The following NPNT variants were observed in gnomAD, a reference collection of about 807,000 sequenced individuals.
The protein encoded by NPNT is nephronectin.
A neutral mutation model predicts 68.6 loss-of-function variants in NPNT; 45 were observed. The observed-to-expected ratio is 0.66, with a 90% CI of 0.52 to 0.84. The LOEUF is 0.84. Ranked by LOEUF, NPNT falls within the 40% of genes least tolerant of loss-of-function variation. The pLI, the probability that NPNT is intolerant of heterozygous loss-of-function variation, is 0.00. For synonymous variants in NPNT, 233 were observed against 253.3 expected, an observed-to-expected ratio of 0.92 and a Z score of 0.76; for missense variants, 672 against 714.8, an observed-to-expected ratio of 0.94 and a Z score of 0.68.
intron 9 of NPNT, 170 bp from the exon 10 acceptor site, chr4:105,958,858 A>G: frequency 1.7e-5 from 10 of 596,840 alleles, no homozygotes; most frequent in Middle Eastern, 4.4e-4. Flanking sequence ...ATGATGCACT[A>G]TTGTGCTGAG....
intron 3 of NPNT, among the ~76,000 whole-genome samples, chr4:105,928,962 T>A (rs972418885): frequency 2.0e-5 from 3 of 152,188 alleles, no homozygotes; most frequent in African/African-American, 7.2e-5. Flanking sequence ...TTTATTTTTT[T>A]AATTTTACTT....
intron 10 of NPNT, 31 bp from the exon 11 acceptor site, chr4:105,967,157 C>T (rs775948025): frequency 2.5e-6 from 4 of 1,609,130 alleles, no homozygotes; most frequent in East Asian, 2.2e-5. Flanking sequence ...GATATTGGCA[C>T]ATACACACAG....
At chr4:105,937,562 A>G (rs180693005) in intron 4 of NPNT, among the ~76,000 whole-genome samples, 2 of 151,368 alleles carry the variant, frequency 1.3e-5, no homozygotes, top group East Asian at 1.9e-4. Flanking sequence ...CTTCATTTTT[A>G]TATTTCATTA....
At chr4:105,907,893 A>G (rs1727042224) in intron 2 of NPNT, among the ~76,000 whole-genome samples, 1 of 152,184 alleles carries the variant, frequency 6.6e-6, no homozygotes, top group African/African-American at 2.4e-5. Context: ...TAAAATTTCT[A>G]ATAAAGCCAG....
At chr4:105,919,468 G>C (rs2149343378) in intron 2 of NPNT, among the ~76,000 whole-genome samples, 1 of 152,120 alleles carries the variant, frequency 6.6e-6, no homozygotes, top group African/African-American at 2.4e-5. Flanking sequence ...TTCCCTAATT[G>C]TCCCAATAAT....
At chr4:105,925,484 GA>G (rs932711269) in intron 2 of NPNT, among the ~76,000 whole-genome samples, 1 of 150,326 alleles carries the variant, frequency 6.7e-6, no homozygotes, top group African/African-American at 2.4e-5. Flanking sequence ...AGGAAAGGTA[GA>G]AAAAAAAATA....
intron 2 of NPNT, among the ~76,000 whole-genome samples, chr4:105,915,784 A>G (rs1455334646): frequency 6.6e-6 from 1 of 152,216 alleles, no homozygotes; most frequent in East Asian, 1.9e-4. Flanking sequence ...CTTGGATTGC[A>G]GGGTGAGATC....
At chr4:105,954,020 G>A (rs759352348) in intron 8 of NPNT, among the ~76,000 whole-genome samples, 5 of 152,082 alleles carry the variant, frequency 3.3e-5, no homozygotes, top group African/African-American at 7.2e-5. Context: ...ATGTTTTCTG[G>A]GTAAAAATAT....
chr4:105,969,080 T>A lies in NPNT; in HGVS notation c.*90T>A. On this transcript the variant is annotated 3_prime_UTR_variant, in exon 12 of 12. Coordinates refer to ENST00000379987, the MANE Select transcript of NPNT (RefSeq NM_001033047.3). Reference sequence around the variant, plus strand: ...CTCCTCTTCTCCCTTTTATCAGGCCTAGGAGAAGAGTGGGTCAGTGGGTCA... The same window carrying A: ...CTCCTCTTCTCCCTTTTATCAGGCCAAGGAGAAGAGTGGGTCAGTGGGTCA... 3 of 880,066 alleles carry A rather than the reference T, an allele frequency of 3.4e-6. No individual in the cohort carries two copies. Among genetic ancestry groups the A allele is most frequent in the Middle Eastern group, 2.3e-4 (1 of 4,356 alleles). The allele number at this position is 880,066 out of a possible 1,614,324, so 54.5% of individuals were successfully genotyped here. A position where few individuals can be genotyped will look rare whatever the true frequency, so the allele number is the denominator to read the frequency against.
At chr4:105,929,951 T>C (rs1728983943) in intron 3 of NPNT, among the ~76,000 whole-genome samples, 1 of 151,960 alleles carries the variant, frequency 6.6e-6, no homozygotes, top group Non-Finnish European at 1.5e-5. Context: ...TGTATCAAGT[T>C]AAGATCTTGC....
intron 2 of NPNT, among the ~76,000 whole-genome samples, chr4:105,900,786 T>C (rs1287179570): frequency 6.6e-6 from 1 of 151,522 alleles, no homozygotes; most frequent in Non-Finnish European, 1.5e-5. Context: ...GTTCCAGAAA[T>C]AGGCAGGTTG....
chr4:105,959,225 G>GAGA, intron 10 of NPNT, 99 bp downstream of exon 10: 2 of 716,234 alleles, frequency 2.8e-6, no homozygotes, highest in Non-Finnish European at 4.9e-6. Flanking sequence ...ACACATCTCT[G>GAGA]TGTTTACTTG....
chr4:105,907,569 A>G (rs1035995371), intron 2 of NPNT, among the ~76,000 whole-genome samples: 1 of 152,160 alleles, frequency 6.6e-6, no homozygotes, highest in Admixed American at 6.5e-5. Flanking sequence ...CCTCAAAGAT[A>G]GTAAAATGTA....
chr4:105,932,981 T>C (rs1433893873), intron 3 of NPNT, among the ~76,000 whole-genome samples: 1 of 152,208 alleles, frequency 6.6e-6, no homozygotes, highest in African/African-American at 2.4e-5. Flanking sequence ...AACAACTTTT[T>C]TCATATGTAG....
chr4:105,941,299 C>A (rs1365340640), intron 7 of NPNT, among the ~76,000 whole-genome samples: 1 of 152,084 alleles, frequency 6.6e-6, no homozygotes, highest in Non-Finnish European at 1.5e-5. Flanking sequence ...CCAGTGAGCT[C>A]TGACCATGCC....
intron 3 of NPNT, among the ~76,000 whole-genome samples, chr4:105,934,927 T>C (rs556307813): frequency 3.3e-5 from 5 of 152,306 alleles, no homozygotes; most frequent in African/African-American, 1.2e-4. Flanking sequence ...AATACTACCA[T>C]AGCAATCCTA....
chr4:105,967,931 G>A lies in NPNT; in HGVS notation c.1602+487G>A, dbSNP rs181196513. ...GTTTCAGAGATCACAGTTAAGCAGC[G>A]TAGGGTGGGAACTCAGAACTACAAT... On this transcript the variant is annotated intron_variant, in intron 11 of 11. Transcript: ENST00000379987. 1.4e-3 allele frequency among the ~76,000 whole-genome samples: 215 copies of A among 152,058 alleles called. 2 individuals carry two copies. The highest frequency in any genetic ancestry group is 4.8e-3 in the African/African-American group (198 of 41,458).
chr4:105,968,801 G>T, intron 11 of NPNT, 94 bp from the exon 12 acceptor site: 3 of 642,836 alleles, frequency 4.7e-6, no homozygotes, highest in Non-Finnish European at 5.5e-6. Context: ...GTTTAAAATT[G>T]GTTTGGGGGA....
chr4:105,967,048 A>C (rs1732199457), intron 10 of NPNT, 140 bp from the exon 11 acceptor site: 1 of 755,232 alleles, frequency 1.3e-6, no homozygotes, highest in Non-Finnish European at 2.1e-6. Flanking sequence ...CATACAAATA[A>C]GTCATATTTT....
Sources: gnomAD v4.1 joint callset for allele counts (sites outside exome capture counted in the v4.1 genomes callset) on GRCh38, gnomAD v4.1.1 for gene constraint, MANE v1.5 for transcripts, NCBI Gene and HGNC (gene_info 2026-07-23, HGNC 2026-07-21) for gene names.